The following ANK2 variants were observed in gnomAD, a reference collection of about 807,000 sequenced individuals.
ANK2 encodes the protein ankyrin-2.
ANK2 carries 83 observed loss-of-function variants against 360.5 expected under a neutral mutation model. That is an observed-to-expected ratio of 0.23 (90% confidence interval 0.19 to 0.28). ANK2 has a LOEUF of 0.28. Among genes scored for constraint, ANK2 ranks in the 10% least tolerant of loss-of-function variants. The probability of loss-of-function intolerance (pLI) is 1.00; values close to 1 mark genes in which losing one functional copy is unlikely to be tolerated. For missense variants in ANK2, 4,201 were observed against 4,795.7 expected, an observed-to-expected ratio of 0.88 and a Z score of 3.66; for synonymous variants, 1,740 against 1,759.5, an observed-to-expected ratio of 0.99 and a Z score of 0.28.
upstream of ANK2, among the ~76,000 whole-genome samples, chr4:113,047,697 C>G (rs1184169237): frequency 1.3e-5 from 2 of 151,834 alleles, no homozygotes; most frequent in Non-Finnish European, 2.9e-5. Flanking sequence ...AAGAGAGAAC[C>G]TTTGCCTCTT....
chr4:113,285,242 C>T (rs6836518), intron 18 of ANK2, among the ~76,000 whole-genome samples: 117,435 of 151,818 alleles, frequency 0.77, 45,518 homozygotes, highest in African/African-American at 0.8. Flanking sequence ...TGACCAAATG[C>T]GGAGAGGTTT....
intron 2 of ANK2, among the ~76,000 whole-genome samples, chr4:112,984,886 A>G (rs539314064): frequency 6.6e-6 from 1 of 152,334 alleles, no homozygotes; most frequent in South Asian, 2.1e-4. Flanking sequence ...AATGTAGTAC[A>G]TGATAAACTG....
Position 112,933,696 on chromosome 4 carries a change from T to C in ANK2, c.21+29182T>C, listed in dbSNP as rs188119335. 2.6e-5 allele frequency among the ~76,000 whole-genome samples: 4 copies of C among 152,164 alleles called. No homozygotes were observed. The East Asian group carries it at 7.7e-4, about 29-fold the overall frequency. ...TGTATTTTTAATAGAGACGGGGTTT[T>C]GCCATGTTGGTCAGGCTGGTCTCGA... On this transcript the variant is annotated intron_variant, in intron 2 of 30. Coordinates refer to the ANK2 transcript ENST00000503271.
intron 2 of ANK2, among the ~76,000 whole-genome samples, chr4:112,985,838 G>A (rs1212830689): frequency 6.6e-6 from 1 of 151,824 alleles, no homozygotes. Flanking sequence ...TGGAGGAAAG[G>A]GTGAGATGGG....
chr4:112,716,519 A>G, the ANK2 span, among the ~76,000 whole-genome samples: 1 of 152,034 alleles, frequency 6.6e-6, no homozygotes, highest in South Asian at 2.1e-4. Context: ...AATTGTTTAT[A>G]TCGTAAGCCT....
chr4:113,239,448 A>G (rs545873159), intron 7 of ANK2, among the ~76,000 whole-genome samples: 13 of 152,302 alleles, frequency 8.5e-5, no homozygotes, highest in African/African-American at 2.9e-4. Flanking sequence ...ATTTCAAGTA[A>G]AAGAGAGCAA....
chr4:113,133,674 T>C (rs2096214930), intron 1 of ANK2, among the ~76,000 whole-genome samples: 1 of 152,192 alleles, frequency 6.6e-6, no homozygotes, highest in South Asian at 2.1e-4. Context: ...AAAATAATCA[T>C]AGTTAGCTTG....
In ANK2 at chr4:113,129,787, A is replaced by G. The variant is rs768010619; in HGVS notation, c.85-44629A>G. 3.3e-5 allele frequency among the ~76,000 whole-genome samples: 5 copies of G among 152,122 alleles called. No individual in the cohort carries two copies. In the East Asian group the frequency reaches 5.8e-4, roughly 18 times the overall value. On this transcript the variant is annotated intron_variant, in intron 1 of 45. Coordinates refer to ENST00000357077, the MANE Select transcript of ANK2 (RefSeq NM_001148.6). ...GATGTAATGCATTTCTTATTTTACTATTTTATTCTTGATTCCTCTTTGAGT... is the reference window on the plus strand; with the variant it reads ...GATGTAATGCATTTCTTATTTTACTGTTTTATTCTTGATTCCTCTTTGAGT...
chr4:113,246,153 C>G (rs996790642), intron 9 of ANK2, among the ~76,000 whole-genome samples: 3 of 152,158 alleles, frequency 2.0e-5, no homozygotes, highest in African/African-American at 7.2e-5. Context: ...GTTGACATCT[C>G]AATTTCCCCC....
the ANK2 span, among the ~76,000 whole-genome samples, chr4:112,807,857 T>A: frequency 5.9e-5 from 9 of 152,228 alleles, no homozygotes. Flanking sequence ...AAAAAAGACA[T>A]GTTTATTAAA....
chr4:113,313,002 G>A (rs2080912032), intron 24 of ANK2, among the ~76,000 whole-genome samples: 2 of 151,272 alleles, frequency 1.3e-5, no homozygotes, highest in African/African-American at 4.9e-5. Context: ...TTTGAGACAT[G>A]TGTAGGAGGC....
At chr4:112,767,793 G>T in the ANK2 span, among the ~76,000 whole-genome samples, 1 of 151,872 alleles carries the variant, frequency 6.6e-6, no homozygotes, top group Non-Finnish European at 1.5e-5. Flanking sequence ...GATACCAAGA[G>T]AAACTCATTT....
chr4:113,008,682 G>T (rs921630657), intron 2 of ANK2, among the ~76,000 whole-genome samples: 1 of 152,006 alleles, frequency 6.6e-6, no homozygotes, highest in Non-Finnish European at 1.5e-5. Context: ...GAGGACACAG[G>T]GGGGAAATGG....
At chr4:112,814,074 G>A (rs1476677769), upstream of ANK2, among the ~76,000 whole-genome samples, 2 of 152,192 alleles carry the variant, frequency 1.3e-5, no homozygotes, top group South Asian at 4.1e-4. Context: ...GTTCTTTGAG[G>A]CAAGAAAGGA....
intron 1 of ANK2, among the ~76,000 whole-genome samples, chr4:112,881,153 G>T (rs902525762): frequency 2.6e-4 from 39 of 152,256 alleles, no homozygotes; most frequent in African/African-American, 8.7e-4. Flanking sequence ...AAAATAACTA[G>T]TGGGCTGGGT....
At chr4:113,377,592 A>G (rs1320634322) in intron 45 of ANK2, among the ~76,000 whole-genome samples, 2 of 152,188 alleles carry the variant, frequency 1.3e-5, no homozygotes, top group East Asian at 3.8e-4. Flanking sequence ...TAAATGCTGT[A>G]TGTGTGTCCT....
the ANK2 span, among the ~76,000 whole-genome samples, chr4:112,771,674 C>T: frequency 6.6e-6 from 1 of 151,988 alleles, no homozygotes; most frequent in Non-Finnish European, 1.5e-5. Context: ...CAAGCTCCGC[C>T]TCCCGAGTTC....
At chr4:112,854,786 G>T (rs1369791929) in intron 1 of ANK2, among the ~76,000 whole-genome samples, 1 of 152,184 alleles carries the variant, frequency 6.6e-6, no homozygotes, top group Non-Finnish European at 1.5e-5. Flanking sequence ...AGGACTGGTA[G>T]TCCAGAGGTG....
At chr4:112,763,309 A>G in the ANK2 span, among the ~76,000 whole-genome samples, 1 of 151,586 alleles carries the variant, frequency 6.6e-6, no homozygotes. Context: ...GCTCACTGCA[A>G]GCTCCGTCTC....
Sources: allele counts gnomAD v4.1 joint callset (sites outside exome capture counted in the v4.1 genomes callset), GRCh38; gene constraint gnomAD v4.1.1; transcripts MANE v1.5; gene names NCBI Gene and HGNC (gene_info 2026-07-23, HGNC 2026-07-21).